NPHP3: variants seen among roughly 807,000 people sequenced by gnomAD.
NPHP3 encodes nephrocystin-3.
In NPHP3, 123 loss-of-function variants were observed where a neutral mutation model predicts 171.9. The ratio of observed to expected loss-of-function variants is 0.72; its 90% CI spans 0.62 to 0.83. NPHP3 has a LOEUF of 0.83. Ranked by LOEUF, NPHP3 falls within the 40% of genes least tolerant of loss-of-function variation. NPHP3 has a pLI of 0.00. For synonymous variants in NPHP3, 558 were observed against 579.2 expected, an observed-to-expected ratio of 0.96 and a Z score of 0.52; for missense variants, 1,506 against 1,591.9, an observed-to-expected ratio of 0.95 and a Z score of 0.92.
intron 6 of NPHP3, among the ~76,000 whole-genome samples, chr3:132,710,718 G>A (rs1046391928): frequency 2.0e-5 from 3 of 151,996 alleles, no homozygotes; most frequent in Admixed American, 6.6e-5. Flanking sequence ...GATTTCTCCC[G>A]GGATTTTTCT....
At chr3:132,689,344 A>C in intron 19 of NPHP3, 81 bp from the exon 20 acceptor site, 243 of 1,436,594 alleles carry the variant, frequency 1.7e-4, no homozygotes, top group Non-Finnish European at 2.2e-4. Context: ...AATTAATATC[A>C]AGTTATTGAC....
rs1377377898 is a variant in NPHP3 at position 132,692,825 on chromosome 3, A to G, written c.2311-7T>C. 1 of 1,613,070 alleles carries G rather than the reference A, an allele frequency of 6.2e-7. No individual in the cohort carries two copies. Among genetic ancestry groups the G allele is most frequent in the Non-Finnish European group, 8.5e-7 (1 of 1,179,212 alleles). ...CATTGACAAGGCAGAGGATCTAGGT[A>G]GAAAAACAAATTAACAGTAATCATA... On this transcript the variant is annotated splice_region_variant and splice_polypyrimidine_tract_variant and intron_variant, in intron 16 of 26. Coordinates refer to ENST00000337331, the MANE Select transcript of NPHP3 (RefSeq NM_153240.5).
In NPHP3 at chr3:132,704,313, GA is replaced by G; in HGVS notation, c.1408del (p.Ser470ProfsTer47). The G allele has an allele frequency of 6.2e-7, 1 of 1,614,100 alleles. No homozygotes were observed. Among genetic ancestry groups the G allele is most frequent in the Non-Finnish European group, 8.5e-7 (1 of 1,180,014 alleles). On this transcript the variant is annotated frameshift_variant, in exon 9 of 27. Transcript: ENST00000337331. LOFTEE classifies it high-confidence loss of function. ...ACCAAAATCATCTTCTTCTGGAATG[GA>G]ATCCTCACTGCCCAAATCCTTAGTC... is the stretch of plus-strand genomic sequence containing the variant. The part of the protein sequence containing the change: ...LETKDLGSED[S>X]IPEEDDFGDV...
At position 132,704,295 on chromosome 3, in the gene NPHP3, T is replaced by C. The variant is rs552648308; in HGVS notation, c.1427A>G (p.Asp476Gly). 3 of 1,614,180 alleles carry C rather than the reference T, an allele frequency of 1.9e-6. No homozygotes were observed. The highest frequency in any genetic ancestry group is 2.2e-5 in the East Asian group (1 of 44,882). Residue 476 changes from aspartate to glycine, a missense_variant, in exon 9 of 27, where the codon GAT (aspartate) becomes GGT (glycine). Asp to Gly is a moderately conservative substitution (Grantham distance 94, BLOSUM62 -1). This residue lies in a region of NPHP3 where 930 missense variants were observed against 924.9 expected (regional missense o/e 1.01). Transcript: ENST00000337331. ...GSEDSIPEED[D>G]FGDVLWDIHD... is the part of the protein sequence containing the mutation. ...TATGTCCCACAGAACATCACCAAAA[T>C]CATCTTCTTCTGGAATGGAATCCTC...
intron 9 of NPHP3, among the ~76,000 whole-genome samples, chr3:132,702,005 G>A (rs543364633): frequency 2.0e-5 from 3 of 152,214 alleles, no homozygotes; most frequent in Non-Finnish European, 2.9e-5. Flanking sequence ...CAGCCTGGGC[G>A]ACAGAGCAAG....
intron 13 of NPHP3, among the ~76,000 whole-genome samples, chr3:132,698,437 C>T (rs1440300682): frequency 1.3e-5 from 2 of 151,998 alleles, no homozygotes; most frequent in Non-Finnish European, 2.9e-5. Context: ...GCCACCATGC[C>T]TGGCTAATTT....
chr3:132,692,942 T>C, intron 16 of NPHP3, 124 bp from the exon 17 acceptor site: 1 of 773,724 alleles, frequency 1.3e-6, no homozygotes, highest in Non-Finnish European at 2.2e-6. Context: ...TCAAATGATT[T>C]AATAAATCAA....
intron 7 of NPHP3, among the ~76,000 whole-genome samples, chr3:132,706,152 G>A (rs1181026231): frequency 6.6e-6 from 1 of 152,022 alleles, no homozygotes; most frequent in Non-Finnish European, 1.5e-5. Flanking sequence ...GAAGTCAGGA[G>A]ATCAAGACCA....
intron 23 of NPHP3, 167 bp from the exon 24 acceptor site, chr3:132,684,961 T>C (rs1939119232): frequency 2.7e-6 from 2 of 736,618 alleles, no homozygotes; most frequent in Non-Finnish European, 4.4e-6. Flanking sequence ...CCCTATCTCT[T>C]CCTGCCCTTT....
At chr3:132,704,834 T>A (rs1939705079) in intron 8 of NPHP3, among the ~76,000 whole-genome samples, 1 of 152,220 alleles carries the variant, frequency 6.6e-6, no homozygotes, top group African/African-American at 2.4e-5. Context: ...CTAATGATGG[T>A]AAGTACATTC....
chr3:132,682,151 G>T, intron 26 of NPHP3, 61 bp from the exon 27 acceptor site: 1 of 1,423,050 alleles, frequency 7.0e-7, no homozygotes, highest in Non-Finnish European at 9.9e-7. Context: ...AATTCAAAAT[G>T]ACCTTATGGG....
At position 132,704,461 on chromosome 3, in the gene NPHP3, C is replaced by G. The variant is rs890116952; in HGVS notation, c.1351-90G>C. 4 of 1,355,368 alleles carry G rather than the reference C, an allele frequency of 3.0e-6. No homozygotes were observed. In the African/African-American group the frequency reaches 5.7e-5, roughly 19 times the overall value. 84.0% of individuals were successfully genotyped at this position (1,355,368 alleles called of 1,614,324 possible). On this transcript the variant is annotated intron_variant, in intron 8 of 26. Transcript: ENST00000337331. ...CCAGGCCCAAAGTGGGCTTCACCTA[C>G]TTTTGGGAGGGCAAGTTCAAACATA...
At chr3:132,709,677 T>A (rs1939857735) in intron 6 of NPHP3, among the ~76,000 whole-genome samples, 1 of 152,098 alleles carries the variant, frequency 6.6e-6, no homozygotes, top group Admixed American at 6.6e-5. Flanking sequence ...GAAACAAATG[T>A]TTTTGTGGGG....
chr3:132,699,679 T>A (rs1264127167), intron 12 of NPHP3, among the ~76,000 whole-genome samples: 4 of 152,168 alleles, frequency 2.6e-5, no homozygotes, highest in Non-Finnish European at 5.9e-5. Context: ...TAAAAATATG[T>A]CAGAACGAAT....
chr3:132,698,142 T>C (rs753454917), intron 13 of NPHP3, among the ~76,000 whole-genome samples: 50 of 152,068 alleles, frequency 3.3e-4, no homozygotes, highest in Admixed American at 1.6e-3. Context: ...CCACCACGCC[T>C]GGCTAATTTT....
At chr3:132,706,917 T>C (rs1410192348) in intron 7 of NPHP3, among the ~76,000 whole-genome samples, 1 of 152,212 alleles carries the variant, frequency 6.6e-6, no homozygotes, top group East Asian at 1.9e-4. Context: ...ACTTCCTTTT[T>C]GTCTTAGTCT....
At position 132,705,723 on chromosome 3, in the gene NPHP3, A is replaced by T. The variant is rs1939729935; in HGVS notation, c.1350+17T>A. The T allele has an allele frequency of 4.3e-6, 5 of 1,172,402 alleles. No homozygotes were observed. The highest frequency in any genetic ancestry group is 6.4e-6 in the Non-Finnish European group (5 of 785,312). 72.6% of individuals were successfully genotyped at this position (1,172,402 alleles called of 1,614,324 possible). A position where few individuals can be genotyped will look rare whatever the true frequency, so the allele number is the denominator to read the frequency against. On this transcript the variant is annotated intron_variant, in intron 8 of 26. Transcript: ENST00000337331. ...TAAAATATTTTAGATGAAAACTTAC[A>T]GAGAATGCATATTTACCTGTTTAAT... is the stretch of plus-strand genomic sequence containing the variant.
chr3:132,721,889 C>A lies in NPHP3; in HGVS notation c.393+74G>T, dbSNP rs1433284540. The A allele has an allele frequency of 3.2e-6, 5 of 1,565,356 alleles. No individual in the cohort carries two copies. The South Asian group carries it at 3.4e-5, about 11-fold the overall frequency. ...AGTTTCCGCCGAACTTTCAAAGCCG[C>A]TTGGTTTGGAGAGGGAGCAGGACGG... On this transcript the variant is annotated intron_variant, in intron 1 of 26. Transcript: ENST00000337331.
In NPHP3 at chr3:132,699,975, G is replaced by A. The variant is rs776900563; in HGVS notation, c.1830C>T (p.Leu610=). ...LEEFPRWLEK[L]SARHQGSIII... The stretch of plus-strand genomic sequence containing the variant: ...TGATGCTGCCTTGATGACGAGCAGA[G>A]AGTTTTTCCAGCCAACGTGGAAATT... Residue 610 remains leucine (L), a synonymous_variant, in exon 12 of 27, where the codon CTC becomes CTT. Transcript: ENST00000337331. The A allele has an allele frequency of 1.9e-6, 3 of 1,614,128 alleles. No homozygotes were observed. Among genetic ancestry groups the A allele is most frequent in the South Asian group, 1.1e-5 (1 of 91,084 alleles).
Sources: gnomAD v4.1 joint callset for allele counts (sites outside exome capture counted in the v4.1 genomes callset) on GRCh38, gnomAD v4.1.1 for gene constraint, gnomAD v4.1.1 regional missense constraint, MANE v1.5 for transcripts, NCBI Gene and HGNC (gene_info 2026-07-23, HGNC 2026-07-21) for gene names.